The following TPP2 variants were observed in gnomAD, a reference collection of about 807,000 sequenced individuals.
TPP2 encodes the protein tripeptidyl-peptidase 2.
Under a neutral mutation model 155.9 loss-of-function variants are expected in TPP2, and 34 were observed. The observed-to-expected ratio is 0.22, with a 90% CI of 0.17 to 0.29. TPP2 has a LOEUF of 0.29. Ranked by LOEUF, TPP2 falls within the 10% of genes least tolerant of loss-of-function variation. The pLI is 1.00. For missense variants in TPP2, 1,028 were observed against 1,522.3 expected, an observed-to-expected ratio of 0.68 and a Z score of 5.40; for synonymous variants, 510 against 529.4, an observed-to-expected ratio of 0.96 and a Z score of 0.50.
At chr13:102,646,705 G>A (rs1408654390) in intron 20 of TPP2, among the ~76,000 whole-genome samples, 1 of 152,190 alleles carries the variant, frequency 6.6e-6, no homozygotes, top group Non-Finnish European at 1.5e-5. Context: ...CTGCCTTCTG[G>A]TGATGGTGCT....
Position 102,647,218 on chromosome 13 carries a change from G to T in TPP2, c.2502G>T (p.Gly834=). The T allele has an allele frequency of 1.2e-6, 2 of 1,611,646 alleles. No individual in the cohort carries two copies. Among genetic ancestry groups the T allele is most frequent in the Middle Eastern group, 3.3e-4 (2 of 6,052 alleles). ...TTGTTTTTTAATAGCCCAAGAGTGG[G>T]GAAGTAACTCCAAGCTGCCCACTAC... The part of the protein sequence containing the change: ...LTYNFHQPKS[G]EVTPSCPLLC... Residue 834 remains glycine, a synonymous_variant, in exon 21 of 30, where the codon GGG becomes GGT. Coordinates refer to ENST00000376052, the MANE Select transcript of TPP2 (RefSeq NM_001330588.2).
At chr13:102,678,114 G>T (rs1306197897) in intron 29 of TPP2, 113 bp from the exon 30 acceptor site, 2 of 1,044,880 alleles carry the variant, frequency 1.9e-6, no homozygotes, top group Non-Finnish European at 2.7e-6. Flanking sequence ...TGGAAGGAAG[G>T]TTCTATATGC....
At chr13:102,673,617 C>T (rs924795920) in intron 27 of TPP2, among the ~76,000 whole-genome samples, 5 of 152,160 alleles carry the variant, frequency 3.3e-5, no homozygotes, top group South Asian at 2.1e-4. Flanking sequence ...GGCAATGTGC[C>T]GTAGTGATTA....
At chr13:102,663,811 A>G in intron 26 of TPP2, 67 bp downstream of exon 26, 2 of 1,200,410 alleles carry the variant, frequency 1.7e-6, no homozygotes, top group South Asian at 3.2e-5. Flanking sequence ...TTTTGAGGAA[A>G]AGTGCATTAT....
At chr13:102,617,012 G>A (rs780088038) in intron 4 of TPP2, among the ~76,000 whole-genome samples, 17 of 151,384 alleles carry the variant, frequency 1.1e-4, no homozygotes, top group Admixed American at 3.3e-4. Flanking sequence ...CCGGGTTCAA[G>A]CTATTCTCGC....
At chr13:102,656,826 CT>C (rs1317002417) in intron 24 of TPP2, among the ~76,000 whole-genome samples, 4 of 152,104 alleles carry the variant, frequency 2.6e-5, no homozygotes, top group African/African-American at 9.7e-5. Context: ...GTTCTTATCT[CT>C]TTTATTTTAA....
intron 24 of TPP2, 148 bp downstream of exon 24, chr13:102,651,545 T>C (rs1193198184): frequency 1.4e-6 from 1 of 726,356 alleles, no homozygotes; most frequent in African/African-American, 1.8e-5. Context: ...TTAGCTGTAC[T>C]TAGAAGCATT....
chr13:102,630,004 G>A, intron 9 of TPP2, 92 bp from the exon 10 acceptor site: 1 of 1,030,400 alleles, frequency 9.7e-7, no homozygotes, highest in Non-Finnish European at 1.5e-6. Context: ...GACTGGTGTT[G>A]AGAGATTAGG....
At chr13:102,664,149 A>G (rs1237431246) in intron 26 of TPP2, among the ~76,000 whole-genome samples, 3 of 152,200 alleles carry the variant, frequency 2.0e-5, no homozygotes, top group Non-Finnish European at 4.4e-5. Flanking sequence ...CTGTCATGAC[A>G]TGGACCAGTT....
At chr13:102,610,982 C>T (rs986318324) in intron 2 of TPP2, among the ~76,000 whole-genome samples, 11 of 152,152 alleles carry the variant, frequency 7.2e-5, no homozygotes, top group Admixed American at 4.6e-4. Context: ...GTAGTTTTAC[C>T]ATATCTGTGT....
intron 11 of TPP2, among the ~76,000 whole-genome samples, chr13:102,634,334 T>A (rs1279554758): frequency 6.6e-6 from 1 of 152,184 alleles, no homozygotes; most frequent in Non-Finnish European, 1.5e-5. Context: ...GGGGCTAAAT[T>A]AGTGAACAAA....
At chr13:102,629,097 A>AG (rs1353952865) in intron 8 of TPP2, among the ~76,000 whole-genome samples, 1 of 152,172 alleles carries the variant, frequency 6.6e-6, no homozygotes, top group African/African-American at 2.4e-5. Context: ...TTTCCACAAA[A>AG]GTTACTGGTT....
intron 15 of TPP2, among the ~76,000 whole-genome samples, chr13:102,638,931 C>T (rs1882571191): frequency 6.6e-6 from 1 of 152,222 alleles, no homozygotes; most frequent in Non-Finnish European, 1.5e-5. Flanking sequence ...TCATTCCGTA[C>T]ACCAAATTAC....
intron 24 of TPP2, among the ~76,000 whole-genome samples, chr13:102,652,966 C>T (rs560768474): frequency 1.3e-5 from 2 of 152,170 alleles, no homozygotes; most frequent in African/African-American, 2.4e-5. Flanking sequence ...ATAGAAGGCA[C>T]TTATCACGAA....
chr13:102,604,407 A>T lies in TPP2; in HGVS notation c.166-386A>T, dbSNP rs1406007817. ...TCTGACATGTTCTTTTTTTTCCCTAATACCCAGTGTGATAGCACATCTGAC... is the reference window on the plus strand; with the variant it reads ...TCTGACATGTTCTTTTTTTTCCCTATTACCCAGTGTGATAGCACATCTGAC... On this transcript the variant is annotated intron_variant, in intron 1 of 29. Transcript: ENST00000376052. Among the ~76,000 whole-genome samples, 4 of 152,156 alleles carry T rather than the reference A, an allele frequency of 2.6e-5. No homozygotes were observed. In the East Asian group the frequency reaches 7.7e-4, roughly 29 times the overall value.
rs1319979715 is a variant in TPP2 at position 102,649,399 on chromosome 13, C to T, written c.2874-9C>T. ...GTTGCTTTTTTTCTCTTTGAATTCT[C>T]TTGTTTAGAATACCTAAAGGGGCAG... On this transcript the variant is annotated splice_polypyrimidine_tract_variant and intron_variant, in intron 22 of 29. Transcript: ENST00000376052. 4.4e-6 allele frequency: 7 copies of T among 1,600,710 alleles called. No individual in the cohort carries two copies. Among genetic ancestry groups the T allele is most frequent in the Non-Finnish European group, 5.1e-6 (6 of 1,176,374 alleles).
chr13:102,648,715 T>C (rs959854360), intron 21 of TPP2, among the ~76,000 whole-genome samples, 192 bp from the exon 22 acceptor site: 2 of 152,128 alleles, frequency 1.3e-5, no homozygotes, highest in Non-Finnish European at 2.9e-5. Context: ...TTGATGTCCC[T>C]GATCCTGTCT....
At chr13:102,652,516 A>G (rs943675767) in intron 24 of TPP2, among the ~76,000 whole-genome samples, 1 of 149,578 alleles carries the variant, frequency 6.7e-6, no homozygotes, top group Non-Finnish European at 1.5e-5. Context: ...CAACATTTTC[A>G]TGATTTCTTT....
chr13:102,666,900 G>T (rs564077527), intron 27 of TPP2, among the ~76,000 whole-genome samples: 1 of 151,070 alleles, frequency 6.6e-6, no homozygotes, highest in South Asian at 2.1e-4. Flanking sequence ...GCTAAGAGTG[G>T]AGCTGCTTTA....
Sources: allele counts gnomAD v4.1 joint callset (sites outside exome capture counted in the v4.1 genomes callset), GRCh38; gene constraint gnomAD v4.1.1; transcripts MANE v1.5; gene names NCBI Gene and HGNC (gene_info 2026-07-23, HGNC 2026-07-21).